Variants in MLIP observed in about 807,000 individuals in gnomAD.
The protein encoded by MLIP is muscular LMNA-interacting protein.
Under a neutral mutation model 84.8 loss-of-function variants are expected in MLIP, and 79 were observed. That is an observed-to-expected ratio of 0.93 (90% confidence interval 0.78 to 1.12). The LOEUF (loss-of-function observed/expected upper bound fraction) is 1.12, where lower values mean the gene tolerates loss of function less well. MLIP is among the 50% of genes most tolerant of loss of function. MLIP has a pLI of 0.00. For synonymous variants in MLIP, 504 were observed against 463.0 expected, an observed-to-expected ratio of 1.09 and a Z score of -1.14; for missense variants, 1,257 against 1,160.6, an observed-to-expected ratio of 1.08 and a Z score of -1.21.
intron 1 of MLIP, among the ~76,000 whole-genome samples, chr6:54,102,795 C>T (rs914203671): frequency 6.6e-6 from 1 of 152,060 alleles, no homozygotes; most frequent in Admixed American, 6.6e-5. Context: ...AATACATTTC[C>T]CATCACAGTG....
intron 3 of MLIP, among the ~76,000 whole-genome samples, chr6:54,127,145 C>T (rs1770986691): frequency 6.6e-6 from 1 of 152,140 alleles, no homozygotes; most frequent in African/African-American, 2.4e-5. Flanking sequence ...AGCATCTCCT[C>T]TTAAAGATGT....
chr6:54,056,403 C>T (rs1319951294), intron 1 of MLIP, among the ~76,000 whole-genome samples: 4 of 152,128 alleles, frequency 2.6e-5, no homozygotes, highest in Non-Finnish European at 4.4e-5. Flanking sequence ...TTTTAGCTTC[C>T]CTTCCTCATT....
chr6:54,169,481 ATTTAC>A (rs771701998), intron 8 of MLIP, 42 bp from the exon 9 acceptor site: 4 of 1,332,746 alleles, frequency 3.0e-6, no homozygotes, highest in Non-Finnish European at 4.1e-6. Context: ...GTCTATTATT[ATTTAC>A]TTTATTATTT....
intron 11 of MLIP, among the ~76,000 whole-genome samples, chr6:54,227,561 C>T (rs1001613542): frequency 6.6e-6 from 1 of 152,030 alleles, no homozygotes; most frequent in Non-Finnish European, 1.5e-5. Flanking sequence ...TTATTGAGGA[C>T]AAAAAGAAAT....
intron 12 of MLIP, among the ~76,000 whole-genome samples, chr6:54,231,936 A>G (rs932855843): frequency 6.6e-6 from 1 of 152,146 alleles, no homozygotes; most frequent in African/African-American, 2.4e-5. Flanking sequence ...AGGAAAAATT[A>G]GATTTTTATA....
chr6:54,191,671 G>C (rs1378158593), intron 10 of MLIP, among the ~76,000 whole-genome samples: 3 of 152,084 alleles, frequency 2.0e-5, no homozygotes, highest in Non-Finnish European at 4.4e-5. Flanking sequence ...GTGAATCTAT[G>C]GTTACTAACA....
intron 10 of MLIP, among the ~76,000 whole-genome samples, chr6:54,195,916 T>G (rs564864196): frequency 6.6e-6 from 1 of 152,288 alleles, no homozygotes; most frequent in East Asian, 1.9e-4. Flanking sequence ...AACAATTTAT[T>G]TTAAATGAAG....
At chr6:54,237,674 T>C (rs1293381308) in intron 12 of MLIP, among the ~76,000 whole-genome samples, 1 of 124,198 alleles carries the variant, frequency 8.1e-6, no homozygotes, top group Admixed American at 8.0e-5. Context: ...AGGGAGACTG[T>C]CTCTAAAAAA....
At chr6:54,259,955 T>C (rs1783274082) in intron 13 of MLIP, among the ~76,000 whole-genome samples, 2 of 151,914 alleles carry the variant, frequency 1.3e-5, no homozygotes, top group Admixed American at 1.3e-4. Flanking sequence ...AAAGCAATTC[T>C]GTTCTTATGA....
chr6:54,246,405 G>A (rs939754672), intron 12 of MLIP, among the ~76,000 whole-genome samples: 16 of 151,836 alleles, frequency 1.1e-4, no homozygotes, highest in Non-Finnish European at 5.9e-5. Flanking sequence ...GTCCCTTATA[G>A]CATTTCTTCT....
intron 1 of MLIP, among the ~76,000 whole-genome samples, chr6:54,114,115 G>A (rs1016744352): frequency 2.6e-5 from 4 of 152,128 alleles, no homozygotes; most frequent in South Asian, 2.1e-4. Flanking sequence ...TCCTTAAAAC[G>A]CCCAGGCCAC....
chr6:54,179,139 A>T (rs976499745), intron 9 of MLIP, among the ~76,000 whole-genome samples: 1 of 152,180 alleles, frequency 6.6e-6, no homozygotes, highest in African/African-American at 2.4e-5. Flanking sequence ...CCCTTTTATC[A>T]TTATATAATG....
chr6:54,255,242 C>A (rs1445562219), intron 12 of MLIP, among the ~76,000 whole-genome samples: 1 of 152,198 alleles, frequency 6.6e-6, no homozygotes, highest in Non-Finnish European at 1.5e-5. Context: ...TACTCTCAGT[C>A]TAGATTCCAG....
upstream of MLIP, among the ~76,000 whole-genome samples, chr6:54,107,877 CAG>C (rs1769131029): frequency 6.6e-6 from 1 of 152,196 alleles, no homozygotes; most frequent in South Asian, 2.1e-4. Context: ...GGCATAAAAA[CAG>C]ACAAATGGAT....
At position 54,138,381 on chromosome 6, in the gene MLIP, A is replaced by G. The variant is rs972745959; in HGVS notation, c.2217+95A>G. The G allele has an allele frequency of 4.4e-5, 62 of 1,402,152 alleles. No individual in the cohort carries two copies. The African/African-American group carries it at 6.4e-4, about 14-fold the overall frequency. The allele number at this position is 1,402,152 out of a possible 1,614,324, so 86.9% of individuals were successfully genotyped here. A position where few individuals can be genotyped will look rare whatever the true frequency, so the allele number is the denominator to read the frequency against. ...GCAGAAATCAATAATTATAGTATTA[A>G]TTGTACTCCTACAAGGAGGAAGAAA... On this transcript the variant is annotated intron_variant, in intron 4 of 13. Transcript: ENST00000502396.
intron 9 of MLIP, among the ~76,000 whole-genome samples, chr6:54,169,892 T>C (rs955076005): frequency 6.6e-6 from 1 of 151,788 alleles, no homozygotes; most frequent in East Asian, 1.9e-4. Context: ...ATTATGCTTA[T>C]AGAATAGTCA....
chr6:54,075,245 C>T (rs1428533629), intron 1 of MLIP, among the ~76,000 whole-genome samples: 1 of 60,540 alleles, frequency 1.7e-5, no homozygotes, highest in African/African-American at 5.8e-5. Context: ...CAAACTCCGT[C>T]TCAAAAAAAA....
intron 1 of MLIP, among the ~76,000 whole-genome samples, chr6:54,031,019 C>A (rs745519039): frequency 6.6e-6 from 1 of 152,136 alleles, no homozygotes; most frequent in Non-Finnish European, 1.5e-5. Flanking sequence ...CACAAAAGTA[C>A]AGATGTTATG....
intron 1 of MLIP, among the ~76,000 whole-genome samples, chr6:54,053,817 G>A (rs1765501150): frequency 6.6e-6 from 1 of 152,154 alleles, no homozygotes; most frequent in South Asian, 2.1e-4. Context: ...TTGAATCCAG[G>A]TGGGAGATTC....
Sources: allele counts gnomAD v4.1 joint callset (sites outside exome capture counted in the v4.1 genomes callset), GRCh38; gene constraint gnomAD v4.1.1; transcripts MANE v1.5; gene names NCBI Gene and HGNC (gene_info 2026-07-23, HGNC 2026-07-21).